Variants in RMST observed in about 807,000 individuals in gnomAD.
RMST encodes the protein rhabdomyosarcoma 2 associated transcript, also known as long intergenic non-protein coding RNA 54.
intron 10 of RMST, among the ~76,000 whole-genome samples, chr12:97,523,503 G>T (rs572852429): frequency 6.6e-6 from 1 of 152,098 alleles, no homozygotes; most frequent in Non-Finnish European, 1.5e-5. Context: ...AAATGACAGA[G>T]GTATGAGGTG....
Position 97,496,243 on chromosome 12 carries a change from G to A in RMST, n.1340+187G>A, listed in dbSNP as rs370589909. ...ATTTCACTTTTGAGGATTAACTATG[G>A]TGGATTTTTTTCAACCCAAATGGGT... On this transcript the variant is annotated intron_variant and non_coding_transcript_variant, in intron 10 of 13. Transcript: ENST00000640149. Among the ~76,000 whole-genome samples the A allele has an allele frequency of 2.7e-4, 41 of 152,116 alleles. No individual in the cohort carries two copies. The South Asian group carries it at 7.9e-3, about 29-fold the overall frequency.
At chr12:97,522,338 T>G (rs1880596628) in intron 10 of RMST, among the ~76,000 whole-genome samples, 3 of 152,242 alleles carry the variant, frequency 2.0e-5, no homozygotes, top group Non-Finnish European at 4.4e-5. Context: ...TGAGTAAATT[T>G]ACCTCCATGA....
chr12:97,539,292 G>A (rs1882323462), intron 11 of RMST, among the ~76,000 whole-genome samples: 3 of 151,516 alleles, frequency 2.0e-5, no homozygotes, highest in African/African-American at 4.8e-5. Flanking sequence ...TCATTTCCCT[G>A]TGGCTGAAGG....
At chr12:97,521,489 C>T (rs983653042) in intron 10 of RMST, among the ~76,000 whole-genome samples, 1 of 152,046 alleles carries the variant, frequency 6.6e-6, no homozygotes, top group Non-Finnish European at 1.5e-5. Flanking sequence ...TATCAGAATA[C>T]ATTTTTTCCT....
At chr12:97,551,173 A>T (rs199798639) in intron 11 of RMST, among the ~76,000 whole-genome samples, 13,461 of 141,448 alleles carry the variant, frequency 0.095, 683 homozygotes, top group East Asian at 0.19. Context: ...ATTGTTTTTA[A>T]AAAAAAAAAA....
intron 10 of RMST, among the ~76,000 whole-genome samples, chr12:97,520,149 A>G (rs1025725887): frequency 2.1e-4 from 32 of 152,336 alleles, no homozygotes; most frequent in African/African-American, 7.5e-4. Flanking sequence ...TATCCATCAG[A>G]CATATCTATT....
At chr12:97,496,602 C>A (rs1013312561) in intron 10 of RMST, among the ~76,000 whole-genome samples, 3 of 152,106 alleles carry the variant, frequency 2.0e-5, no homozygotes, top group African/African-American at 7.2e-5. Flanking sequence ...CTTAATCAAG[C>A]AAATATTATA....
intron 10 of RMST, among the ~76,000 whole-genome samples, chr12:97,516,779 A>G (rs1364508449): frequency 2.6e-5 from 4 of 152,038 alleles, no homozygotes; most frequent in Non-Finnish European, 5.9e-5. Flanking sequence ...TATAGAAAAA[A>G]AATCCATCTT....
intron 5 of RMST, among the ~76,000 whole-genome samples, chr12:97,478,186 A>C (rs1296772458): frequency 6.6e-6 from 1 of 152,234 alleles, no homozygotes; most frequent in Admixed American, 6.5e-5. Flanking sequence ...TTTTCATTTG[A>C]AAATGGAAGG....
intron 9 of RMST, among the ~76,000 whole-genome samples, chr12:97,495,771 T>A (rs1219303759): frequency 6.6e-6 from 1 of 152,086 alleles, no homozygotes; most frequent in Non-Finnish European, 1.5e-5. Flanking sequence ...AAGGGAAGCA[T>A]AATTATCTTC....
At chr12:97,539,458 A>G (rs1264468550) in intron 11 of RMST, among the ~76,000 whole-genome samples, 1 of 151,542 alleles carries the variant, frequency 6.6e-6, no homozygotes, top group Non-Finnish European at 1.5e-5. Flanking sequence ...TTGATTTGTC[A>G]GGTATGTTTA....
chr12:97,558,317 C>T (rs371158284), intron 11 of RMST, among the ~76,000 whole-genome samples: 1 of 152,154 alleles, frequency 6.6e-6, no homozygotes, highest in Non-Finnish European at 1.5e-5. Context: ...GCTTATTTAT[C>T]ATCACATACT....
chr12:97,547,846 C>G (rs1212057629), intron 11 of RMST, among the ~76,000 whole-genome samples: 1 of 151,852 alleles, frequency 6.6e-6, no homozygotes, highest in African/African-American at 2.4e-5. Context: ...TGTAGGTTTT[C>G]TCTTCATTTT....
intron 11 of RMST, among the ~76,000 whole-genome samples, chr12:97,557,173 G>A (rs568339074): frequency 1.3e-5 from 2 of 152,282 alleles, no homozygotes; most frequent in South Asian, 4.1e-4. Context: ...ATTTTGTTTA[G>A]GAAAGATGGA....
At chr12:97,504,205 A>G (rs1182559965) in intron 10 of RMST, among the ~76,000 whole-genome samples, 1 of 152,054 alleles carries the variant, frequency 6.6e-6, no homozygotes, top group Non-Finnish European at 1.5e-5. Flanking sequence ...GGAGTTGGAG[A>G]CCAGCCTGGC....
intron 5 of RMST, among the ~76,000 whole-genome samples, chr12:97,478,121 A>G (rs1401736377): frequency 1.3e-5 from 2 of 152,186 alleles, no homozygotes; most frequent in East Asian, 1.9e-4. Flanking sequence ...TTGTCATCAA[A>G]CACTTGGTAT....
chr12:97,512,379 C>G (rs963790991), intron 10 of RMST, among the ~76,000 whole-genome samples: 1 of 152,008 alleles, frequency 6.6e-6, no homozygotes, highest in African/African-American at 2.4e-5. Flanking sequence ...GGACCCGAGC[C>G]GGTTAACACT....
chr12:97,544,745 A>G (rs1235586875), intron 11 of RMST, among the ~76,000 whole-genome samples: 1 of 152,038 alleles, frequency 6.6e-6, no homozygotes, highest in African/African-American at 2.4e-5. Context: ...ATTTTCTTGT[A>G]TCTCTTTTTC....
At chr12:97,469,454 T>TTA (rs560218652) in intron 5 of RMST, among the ~76,000 whole-genome samples, 6 of 152,174 alleles carry the variant, frequency 3.9e-5, no homozygotes, top group African/African-American at 1.4e-4. Flanking sequence ...CTAATTCTAA[T>TTA]TATGAATGGC....
Sources: allele counts gnomAD v4.1 joint callset (sites outside exome capture counted in the v4.1 genomes callset), GRCh38; gene constraint gnomAD v4.1.1; transcripts MANE v1.5; gene names NCBI Gene and HGNC (gene_info 2026-07-23, HGNC 2026-07-21).